The following SRGAP3 variants were observed in gnomAD, a reference collection of about 807,000 sequenced individuals.
SRGAP3 encodes the protein SLIT-ROBO Rho GTPase activating protein 3.
SRGAP3 carries 39 observed loss-of-function variants against 121.1 expected under a neutral mutation model. The ratio of observed to expected loss-of-function variants is 0.32; its 90% CI spans 0.25 to 0.42. The LOEUF (loss-of-function observed/expected upper bound fraction) is 0.42, where lower values mean the gene tolerates loss of function less well. Among genes scored for constraint, SRGAP3 ranks in the 10% least tolerant of loss-of-function variants. SRGAP3 has a pLI of 1.00. For synonymous variants in SRGAP3, 601 were observed against 570.0 expected (o/e 1.05, Z -0.77); for missense variants, 1,213 against 1,470.6 (o/e 0.82, Z 2.86).
At chr3:9,009,438 C>CAA (rs1281607819) in intron 18 of SRGAP3, among the ~76,000 whole-genome samples, 1 of 150,538 alleles carries the variant, frequency 6.6e-6, no homozygotes, top group African/African-American at 2.4e-5. Context: ...TTCCTCCATT[C>CAA]AAAAAAAAAG....
intron 1 of SRGAP3, among the ~76,000 whole-genome samples, chr3:9,181,567 C>G (rs988798456): frequency 6.6e-6 from 1 of 152,176 alleles, no homozygotes; most frequent in Non-Finnish European, 1.5e-5. Flanking sequence ...GGTTTCCTGG[C>G]TAGCTGCCCG....
chr3:8,990,177 G>C (rs1045879735), intron 21 of SRGAP3, among the ~76,000 whole-genome samples: 1 of 152,366 alleles, frequency 6.6e-6, no homozygotes, highest in East Asian at 1.9e-4. Context: ...AGAGAGAAAT[G>C]AATGAATGAG....
intron 10 of SRGAP3, among the ~76,000 whole-genome samples, chr3:9,046,765 T>C (rs1219091235): frequency 6.6e-6 from 1 of 152,116 alleles, no homozygotes; most frequent in Non-Finnish European, 1.5e-5. Context: ...TGCCCCTCTA[T>C]CACTTTGCCT....
At chr3:9,259,761 G>T (rs1257485118) in intron 3 of SRGAP3, among the ~76,000 whole-genome samples, 3 of 151,540 alleles carry the variant, frequency 2.0e-5, no homozygotes, top group Non-Finnish European at 4.4e-5. Flanking sequence ...TGGCCATTGA[G>T]CACTTAAAAT....
At position 8,985,810 on chromosome 3, in the gene SRGAP3, G is replaced by C; in HGVS notation, c.3009C>G (p.Gly1003=). 6.2e-7 allele frequency: 1 copy of C among 1,600,530 alleles called. No individual in the cohort carries two copies. The highest frequency in any genetic ancestry group is 8.5e-7 in the Non-Finnish European group (1 of 1,179,892). ...GACTGGCGGGCTCCGAGCTGACGGGGCCTGGCGGGTTCTTCAGGGGCTCCA... is the reference window on the plus strand; with the variant it reads ...GACTGGCGGGCTCCGAGCTGACGGGCCCTGGCGGGTTCTTCAGGGGCTCCA... ...DTLEPLKNPP[G]PVSSEPASPL... is the part of the protein sequence containing the mutation. Residue 1003 remains glycine (G), a synonymous_variant, in exon 22 of 22, where the codon GGC becomes GGG. Transcript: ENST00000383836. This position sits in a 1 kb window ranked among gnomAD's most constrained non-coding sequence, Gnocchi z 5.1.
In SRGAP3 at chr3:9,136,326, G is replaced by A. The variant is rs968304840; in HGVS notation, c.68-11409C>T. ...CAGGATCCGTGCGCCCAGCGCCGGG[G>A]CTGGAGGCAGCAGATGCCGGGCCGG... On this transcript the variant is annotated intron_variant, in intron 1 of 21. Coordinates refer to ENST00000383836, the MANE Select transcript of SRGAP3 (RefSeq NM_014850.4). Among the ~76,000 whole-genome samples, 88 of 152,116 alleles carry A rather than the reference G, an allele frequency of 5.8e-4. 1 individual carries two copies. Among genetic ancestry groups the A allele is most frequent in the African/African-American group, 2.0e-3 (83 of 41,528 alleles).
chr3:9,184,102 G>A (rs1165306266), intron 1 of SRGAP3, among the ~76,000 whole-genome samples: 1 of 152,102 alleles, frequency 6.6e-6, no homozygotes, highest in East Asian at 1.9e-4. Context: ...TCTGTAAAGG[G>A]GCTTAAGGAA....
chr3:9,159,205 C>A (rs1045009374), intron 1 of SRGAP3, among the ~76,000 whole-genome samples: 3 of 152,106 alleles, frequency 2.0e-5, no homozygotes, highest in Non-Finnish European at 4.4e-5. Context: ...ACCATCCCAC[C>A]AGACTCCTGT....
intron 3 of SRGAP3, among the ~76,000 whole-genome samples, chr3:9,086,007 G>C (rs963180282): frequency 2.0e-5 from 3 of 152,158 alleles, no homozygotes; most frequent in African/African-American, 7.2e-5. Context: ...AGGCTGGCTA[G>C]GACTTCTAGT....
chr3:9,002,531 C>G (rs1025423883), intron 18 of SRGAP3, among the ~76,000 whole-genome samples: 3 of 151,706 alleles, frequency 2.0e-5, no homozygotes, highest in Non-Finnish European at 4.4e-5. Context: ...CCTTAAGACA[C>G]TGGAAAAAAA....
At chr3:9,257,769 A>G (rs1353975618) in intron 3 of SRGAP3, among the ~76,000 whole-genome samples, 1 of 124,290 alleles carries the variant, frequency 8.0e-6, no homozygotes, top group Non-Finnish European at 1.6e-5. Flanking sequence ...CAGTAGCATG[A>G]TCTTGGCTCA....
chr3:9,203,120 G>A (rs970599089), intron 1 of SRGAP3, among the ~76,000 whole-genome samples: 4 of 152,158 alleles, frequency 2.6e-5, no homozygotes, highest in Non-Finnish European at 4.4e-5. Flanking sequence ...CTGACTCCCA[G>A]TCTGTTTCTC....
intron 3 of SRGAP3, among the ~76,000 whole-genome samples, chr3:9,100,481 C>G (rs538197348): frequency 6.6e-6 from 1 of 152,180 alleles, no homozygotes; most frequent in African/African-American, 2.4e-5. Flanking sequence ...TACAAAACAG[C>G]CTTTTCCCAC....
At chr3:9,072,027 T>C (rs1355531282) in intron 4 of SRGAP3, among the ~76,000 whole-genome samples, 2 of 152,178 alleles carry the variant, frequency 1.3e-5, no homozygotes. Context: ...TAAGCCAGTT[T>C]GCACCAGATT....
chr3:9,360,971 A>G (rs960764941), intron 1 of SRGAP3, among the ~76,000 whole-genome samples: 2 of 152,176 alleles, frequency 1.3e-5, no homozygotes, highest in African/African-American at 4.8e-5. Context: ...TTTTACTTTT[A>G]GTCATTTTGA....
At chr3:9,265,086 T>C (rs1285796478) in intron 3 of SRGAP3, among the ~76,000 whole-genome samples, 2 of 152,202 alleles carry the variant, frequency 1.3e-5, no homozygotes. Flanking sequence ...TACAACCATC[T>C]GATCTTTGAC....
At chr3:9,031,079 T>A (rs1298893509) in intron 12 of SRGAP3, among the ~76,000 whole-genome samples, 1 of 152,122 alleles carries the variant, frequency 6.6e-6, no homozygotes, top group Non-Finnish European at 1.5e-5. Context: ...CCTCCCAAAG[T>A]TCTAGGATTA....
intron 12 of SRGAP3, among the ~76,000 whole-genome samples, chr3:9,029,977 C>A (rs542718080): frequency 4.5e-4 from 61 of 135,286 alleles, no homozygotes; most frequent in South Asian, 7.2e-4. Context: ...CCTGTCTCTA[C>A]AAAAAAAAAA....
At chr3:9,223,963 A>AC (rs2125205064) in intron 1 of SRGAP3, among the ~76,000 whole-genome samples, 1 of 152,326 alleles carries the variant, frequency 6.6e-6, no homozygotes, top group East Asian at 1.9e-4. Flanking sequence ...CCAGCACTAC[A>AC]CAGGAGTGAA....
Sources: gnomAD v4.1 joint callset for allele counts (sites outside exome capture counted in the v4.1 genomes callset) on GRCh38, gnomAD v4.1.1 for gene constraint, Gnocchi (gnomAD v3.1) non-coding constraint, MANE v1.5 for transcripts, NCBI Gene and HGNC (gene_info 2026-07-23, HGNC 2026-07-21) for gene names.